The following CRPPA variants were observed in gnomAD, a reference collection of about 807,000 sequenced individuals.
CRPPA encodes D-ribitol-5-phosphate cytidylyltransferase.
A neutral mutation model predicts 52.0 loss-of-function variants in CRPPA; 43 were observed. The observed-to-expected ratio is 0.83, with a 90% CI of 0.65 to 1.07. The LOEUF (loss-of-function observed/expected upper bound fraction) is 1.07, where lower values mean the gene tolerates loss of function less well. CRPPA is among the 50% of genes least tolerant of loss of function. The pLI is 0.00. For synonymous variants in CRPPA, 250 were observed against 203.5 expected (o/e 1.23, Z -1.94); for missense variants, 629 against 551.7 (o/e 1.14, Z -1.40).
In CRPPA at chr7:16,258,446, G is replaced by A; in HGVS notation, c.1063C>T (p.Leu355=). The part of the protein sequence containing the change: ...TSDFQETQKL[L]SMLEESSLCI... ...AGACTACTCTCTTCAAGCATGCTCA[G>A]TAACTTCTGGGTTTCTTGAAAATCA... Residue 355 remains leucine, a synonymous_variant, in exon 8 of 10, where the codon CTG becomes TTG. Transcript: ENST00000407010. 6.2e-7 allele frequency: 1 copy of A among 1,606,460 alleles called. No individual in the cohort carries two copies. Among genetic ancestry groups the A allele is most frequent in the Non-Finnish European group, 8.5e-7 (1 of 1,176,178 alleles).
intron 9 of CRPPA, among the ~76,000 whole-genome samples, chr7:16,105,254 C>T (rs1413777026): frequency 6.6e-6 from 1 of 152,166 alleles, no homozygotes; most frequent in African/African-American, 2.4e-5. Flanking sequence ...GGAAACAAGA[C>T]TGAGACACCA....
chr7:16,401,974 A>T (rs1030900096), intron 2 of CRPPA, among the ~76,000 whole-genome samples: 1 of 152,224 alleles, frequency 6.6e-6, no homozygotes, highest in African/African-American at 2.4e-5. Flanking sequence ...TCAGAGAAAT[A>T]AGATGGCAGA....
At chr7:16,149,261 A>T (rs1023673238) in intron 9 of CRPPA, among the ~76,000 whole-genome samples, 2 of 152,208 alleles carry the variant, frequency 1.3e-5, no homozygotes, top group South Asian at 4.1e-4. Flanking sequence ...CAGAGGAGCT[A>T]TAAGTAAACA....
In CRPPA at chr7:16,255,622, C is replaced by A. The variant is rs569970842; in HGVS notation, c.1119+2768G>T. On this transcript the variant is annotated intron_variant, in intron 8 of 9. Transcript: ENST00000407010. ...ATAGACCAATGGAACAGAACAGAGA[C>A]CTCAGAAATAATACCACACATCTAC... Among the ~76,000 whole-genome samples, 4 of 152,108 alleles carry A rather than the reference C, an allele frequency of 2.6e-5. No homozygotes were observed. In the East Asian group the frequency reaches 7.7e-4, roughly 29 times the overall value.
chr7:16,192,753 A>G (rs1214908987), intron 9 of CRPPA, among the ~76,000 whole-genome samples: 1 of 152,156 alleles, frequency 6.6e-6, no homozygotes, highest in Non-Finnish European at 1.5e-5. Flanking sequence ...ATTAGGTGAT[A>G]GGTAGAGATG....
chr7:16,392,583 G>A (rs918879375), intron 2 of CRPPA, among the ~76,000 whole-genome samples: 6 of 152,186 alleles, frequency 3.9e-5, no homozygotes, highest in African/African-American at 9.6e-5. Context: ...CACTCCCTCC[G>A]GAGACCAGTT....
intron 9 of CRPPA, among the ~76,000 whole-genome samples, chr7:16,148,352 C>T (rs545798454): frequency 2.2e-4 from 33 of 152,230 alleles, no homozygotes; most frequent in African/African-American, 7.9e-4. Context: ...TAATGCAGCA[C>T]TATTCACAAC....
At chr7:16,373,770 A>AGCT (rs1786810764) in intron 3 of CRPPA, among the ~76,000 whole-genome samples, 1 of 152,234 alleles carries the variant, frequency 6.6e-6, no homozygotes, top group Admixed American at 6.5e-5. Context: ...GCTAGAGCAT[A>AGCT]TATAAGGGGG....
intron 6 of CRPPA, 87 bp downstream of exon 6, chr7:16,278,042 T>A (rs3801431): frequency 1.4e-6 from 1 of 717,180 alleles, no homozygotes; most frequent in African/African-American, 1.8e-5. Flanking sequence ...AAGGGATTTT[T>A]ATGGGTTTTT....
chr7:16,389,927 AAATATATATATAT>A (rs1562673829), intron 2 of CRPPA, among the ~76,000 whole-genome samples: 8 of 67,690 alleles, frequency 1.2e-4, no homozygotes, highest in Non-Finnish European at 1.8e-4. Context: ...AAAAAAAAAA[AAATATATATATAT>A]ATATATATAT....
intron 2 of CRPPA, among the ~76,000 whole-genome samples, chr7:16,378,939 C>T (rs1786991980): frequency 6.6e-6 from 1 of 152,104 alleles, no homozygotes; most frequent in African/African-American, 2.4e-5. Flanking sequence ...ATCTCCTTCA[C>T]CCACTTTTTG....
At chr7:16,400,085 T>C (rs1269217420) in intron 2 of CRPPA, among the ~76,000 whole-genome samples, 1 of 151,910 alleles carries the variant, frequency 6.6e-6, no homozygotes, top group East Asian at 1.9e-4. Flanking sequence ...GTGTATGACA[T>C]GACTGTCACG....
intron 9 of CRPPA, among the ~76,000 whole-genome samples, chr7:16,098,992 T>C (rs1300361975): frequency 6.6e-6 from 1 of 152,214 alleles, no homozygotes; most frequent in African/African-American, 2.4e-5. Context: ...AACATAATCA[T>C]CGCACAACAG....
intron 8 of CRPPA, among the ~76,000 whole-genome samples, chr7:16,246,593 C>A (rs992395206): frequency 5.9e-5 from 9 of 152,134 alleles, no homozygotes; most frequent in Admixed American, 3.3e-4. Flanking sequence ...CTAAATGACT[C>A]CTTGATTTAT....
At chr7:16,325,537 C>A (rs994766715) in intron 3 of CRPPA, among the ~76,000 whole-genome samples, 5 of 152,138 alleles carry the variant, frequency 3.3e-5, no homozygotes, top group African/African-American at 1.2e-4. Context: ...CAGAGGCAAT[C>A]ATCTCAAAAC....
intron 8 of CRPPA, among the ~76,000 whole-genome samples, chr7:16,247,224 T>C (rs546909314): frequency 6.6e-6 from 1 of 152,370 alleles, no homozygotes; most frequent in Non-Finnish European, 1.5e-5. Context: ...ACTTCTTCAC[T>C]TTCTGCAGCC....
At chr7:16,352,624 A>G (rs576601869) in intron 3 of CRPPA, among the ~76,000 whole-genome samples, 1 of 152,192 alleles carries the variant, frequency 6.6e-6, no homozygotes, top group Non-Finnish European at 1.5e-5. Context: ...GGATGTGGCA[A>G]AAAGGGAACC....
intron 9 of CRPPA, among the ~76,000 whole-genome samples, chr7:16,093,646 G>A (rs2056420): frequency 0.79 from 120,167 of 152,114 alleles, 48,851 homozygotes; most frequent in Admixed American, 0.88. Flanking sequence ...AGAATATCAC[G>A]ATACCTAAAC....
intron 9 of CRPPA, among the ~76,000 whole-genome samples, chr7:16,116,675 AGGAAAGGAAAG>A (rs1782380996): frequency 1.0e-5 from 1 of 96,620 alleles, no homozygotes; most frequent in African/African-American, 3.5e-5. Context: ...AAAAAAAAAA[AGGAAAGGAAAG>A]GGAAGGGAAA....
Sources: allele counts gnomAD v4.1 joint callset (sites outside exome capture counted in the v4.1 genomes callset), GRCh38; gene constraint gnomAD v4.1.1; transcripts MANE v1.5; gene names NCBI Gene and HGNC (gene_info 2026-07-23, HGNC 2026-07-21).